The following RBFOX1 variants were observed in gnomAD, a reference collection of about 807,000 sequenced individuals.
RBFOX1 encodes RNA binding protein fox-1 homolog 1.
In RBFOX1, 8 loss-of-function variants were observed where a neutral mutation model predicts 57.7. That is an observed-to-expected ratio of 0.14 (90% CI 0.08 to 0.25). The LOEUF (loss-of-function observed/expected upper bound fraction) is 0.25, where lower values mean the gene tolerates loss of function less well. RBFOX1 is among the 10% of genes least tolerant of loss of function. The pLI, the probability that RBFOX1 is intolerant of heterozygous loss-of-function variation, is 1.00. For synonymous variants in RBFOX1, 326 were observed against 222.4 expected, an observed-to-expected ratio of 1.47 and a Z score of -4.15; for missense variants, 611 against 548.5, an observed-to-expected ratio of 1.11 and a Z score of -1.14.
chr16:5,820,152 A>T (rs1246300475), intron 3 of RBFOX1, among the ~76,000 whole-genome samples: 1 of 152,170 alleles, frequency 6.6e-6, no homozygotes, highest in East Asian at 1.9e-4. Flanking sequence ...TGTCATTCCC[A>T]TTTTATAGAT....
chr16:5,392,297 TAAAAAA>T (rs891902049), intron 1 of RBFOX1, among the ~76,000 whole-genome samples: 6 of 151,978 alleles, frequency 3.9e-5, no homozygotes, highest in African/African-American at 1.5e-4. Flanking sequence ...AAAAATTACT[TAAAAAA>T]TAAAATAAGG....
At chr16:5,978,759 G>C (rs1288759251) in intron 4 of RBFOX1, among the ~76,000 whole-genome samples, 1 of 151,508 alleles carries the variant, frequency 6.6e-6, no homozygotes, top group Non-Finnish European at 1.5e-5. Context: ...CATCCAGTCT[G>C]GGTTTGGCTG....
At chr16:6,217,569 C>T (rs1448308517) in intron 1 of RBFOX1, among the ~76,000 whole-genome samples, 1 of 152,184 alleles carries the variant, frequency 6.6e-6, no homozygotes, top group African/African-American at 2.4e-5. Context: ...AGACTGTGCG[C>T]CTCCTGTCCC....
In RBFOX1 at chr16:5,856,529, A is replaced by ATGTGTGTGTG. The variant is rs1402419760; in HGVS notation, c.319-10773_319-10772insGTGTGTGTGT. ...ATTTTGACCAACATCTCTCATTCATATATGTGTATGTGTGTGTGTGTGTGT... is the reference window on the plus strand; with the variant it reads ...ATTTTGACCAACATCTCTCATTCATATGTGTGTGTGTATGTGTATGTGTGTGTGTGTGTGT... On this transcript the variant is annotated intron_variant, in intron 3 of 19. Coordinates refer to the RBFOX1 transcript ENST00000641259. Among the ~76,000 whole-genome samples the ATGTGTGTGTG allele has an allele frequency of 3.4e-4, 19 of 55,556 alleles. 2 individuals are homozygous for ATGTGTGTGTG. Among genetic ancestry groups the ATGTGTGTGTG allele is most frequent in the Non-Finnish European group, 5.9e-4 (16 of 26,986 alleles). The allele number at this position is 55,556 out of a possible 152,430, so 36.4% of individuals were successfully genotyped here.
At chr16:6,959,581 A>C (rs7185667) in intron 3 of RBFOX1, among the ~76,000 whole-genome samples, 114,797 of 152,034 alleles carry the variant, frequency 0.76, 43,666 homozygotes, top group African/African-American at 0.86. Flanking sequence ...GTCTCCCTCA[A>C]GGCTGAACAG....
intron 2 of RBFOX1, among the ~76,000 whole-genome samples, chr16:6,559,874 A>G (rs1202713812): frequency 6.6e-6 from 1 of 152,116 alleles, no homozygotes; most frequent in African/African-American, 2.4e-5. Context: ...GACCCACTAA[A>G]AAAGAAAACA....
chr16:5,933,403 A>T (rs1406141089), intron 4 of RBFOX1, among the ~76,000 whole-genome samples: 1 of 152,126 alleles, frequency 6.6e-6, no homozygotes, highest in East Asian at 1.9e-4. Context: ...TGTACCAGGG[A>T]TCCTGCCAGA....
intron 4 of RBFOX1, among the ~76,000 whole-genome samples, chr16:5,943,428 C>T (rs750888549): frequency 2.0e-5 from 3 of 152,120 alleles, no homozygotes. Context: ...GGAGAAACAG[C>T]AGGAAACATT....
At chr16:6,626,260 G>C (rs565583937) in intron 2 of RBFOX1, among the ~76,000 whole-genome samples, 4 of 151,986 alleles carry the variant, frequency 2.6e-5, no homozygotes, top group Admixed American at 2.0e-4. Context: ...TGTTGCCCGG[G>C]TGTCCTTTAA....
chr16:7,107,328 C>G (rs749120195), intron 4 of RBFOX1, among the ~76,000 whole-genome samples: 77 of 152,036 alleles, frequency 5.1e-4, no homozygotes, highest in South Asian at 1.7e-3. Flanking sequence ...AGTAGATATT[C>G]TCATCTAATG....
intron 5 of RBFOX1, among the ~76,000 whole-genome samples, chr16:7,543,194 C>A (rs1377804695): frequency 6.6e-6 from 1 of 152,156 alleles, no homozygotes. Flanking sequence ...TGAATCAAAG[C>A]CTTAGGGAAT....
intron 3 of RBFOX1, among the ~76,000 whole-genome samples, chr16:5,635,110 T>C (rs1027240559): frequency 5.3e-5 from 8 of 152,160 alleles, no homozygotes; most frequent in African/African-American, 7.2e-5. Context: ...AGTGTATCAC[T>C]GAACTACACT....
rs547232435 is a variant in RBFOX1, at chr16:6,561,235, G to T, written c.-63-93368G>T. The stretch of plus-strand genomic sequence containing the variant: ...GTTCCCTGCTGTCTACTAGGGAAAA[G>T]ATTCACGGGGGCAGGGGCTGTCCAC... On this transcript the variant is annotated intron_variant, in intron 2 of 15. Coordinates refer to ENST00000550418, the MANE Select transcript of RBFOX1 (RefSeq NM_018723.4). Among the ~76,000 whole-genome samples the T allele has an allele frequency of 7.9e-5, 12 of 152,264 alleles. No homozygotes were observed. In the South Asian group the frequency reaches 8.3e-4, roughly 11 times the overall value.
At chr16:7,408,385 C>G (rs8049658) in intron 4 of RBFOX1, among the ~76,000 whole-genome samples, 1 of 152,122 alleles carries the variant, frequency 6.6e-6, no homozygotes, top group Non-Finnish European at 1.5e-5. Flanking sequence ...TGTGTCTGAG[C>G]ACAGTAAACC....
chr16:6,217,276 C>A (rs1446853356), intron 1 of RBFOX1, among the ~76,000 whole-genome samples: 1 of 142,000 alleles, frequency 7.0e-6, no homozygotes, highest in Non-Finnish European at 1.5e-5. Context: ...AAAAATGTTG[C>A]CAAAAATGTC....
At chr16:6,039,979 C>T (rs754969984) in intron 1 of RBFOX1, among the ~76,000 whole-genome samples, 3 of 152,188 alleles carry the variant, frequency 2.0e-5, no homozygotes, top group Non-Finnish European at 2.9e-5. Flanking sequence ...GAGGTGCTTA[C>T]AGCATGGCAG....
chr16:7,653,068 T>A (rs546418542), intron 11 of RBFOX1, among the ~76,000 whole-genome samples: 2 of 147,404 alleles, frequency 1.4e-5, no homozygotes, highest in Non-Finnish European at 2.9e-5. Flanking sequence ...CATATATGTA[T>A]ATATACATGC....
intron 1 of RBFOX1, among the ~76,000 whole-genome samples, chr16:5,371,806 T>C (rs2065863592): frequency 6.6e-6 from 1 of 152,220 alleles, no homozygotes; most frequent in South Asian, 2.1e-4. Flanking sequence ...GGGCTGCAGA[T>C]ACCCATGCTC....
intron 3 of RBFOX1, among the ~76,000 whole-genome samples, chr16:5,633,960 G>C (rs1019009314): frequency 2.6e-5 from 4 of 151,928 alleles, no homozygotes; most frequent in Non-Finnish European, 5.9e-5. Flanking sequence ...TAATTATCAC[G>C]ATGCCCATTT....
Sources: gnomAD v4.1 joint callset for allele counts (sites outside exome capture counted in the v4.1 genomes callset) on GRCh38, gnomAD v4.1.1 for gene constraint, MANE v1.5 for transcripts, NCBI Gene and HGNC (gene_info 2026-07-23, HGNC 2026-07-21) for gene names.